QTMAN: variants seen among roughly 807,000 people sequenced by gnomAD.
The protein encoded by QTMAN is queuosine-tRNA mannosyltransferase.
chr2:144,245,514 C>G, the QTMAN span, among the ~76,000 whole-genome samples: 1 of 152,102 alleles, frequency 6.6e-6, no homozygotes, highest in East Asian at 1.9e-4. Flanking sequence ...CATTTTCAGG[C>G]AACGAATCTG....
chr2:143,940,900 A>G, the QTMAN span: 2 of 152,258 alleles, frequency 1.3e-5, no homozygotes, highest in African/African-American at 2.4e-5. Flanking sequence ...ACAGAAATCA[A>G]TTCTTCCGCA....
chr2:144,074,342 G>C, the QTMAN span, among the ~76,000 whole-genome samples: 16 of 152,210 alleles, frequency 1.1e-4, no homozygotes, highest in East Asian at 3.1e-3. Flanking sequence ...AAAAGCAAAA[G>C]TTAAAAATCA....
At chr2:144,125,958 G>A in the QTMAN span, among the ~76,000 whole-genome samples, 26 of 152,076 alleles carry the variant, frequency 1.7e-4, no homozygotes, top group East Asian at 1.9e-3. Context: ...AAAATTGAAC[G>A]TTAAGTCAAT....
the QTMAN span, chr2:144,128,453 T>C: frequency 2.0e-5 from 3 of 152,102 alleles, no homozygotes; most frequent in Non-Finnish European, 4.4e-5. Flanking sequence ...GTGATGCAAC[T>C]GAAATATTTG....
At chr2:144,187,674 G>C in the QTMAN span, among the ~76,000 whole-genome samples, 1 of 152,132 alleles carries the variant, frequency 6.6e-6, no homozygotes, top group Non-Finnish European at 1.5e-5. Context: ...ACCAGACAGA[G>C]TCCTTTATTT....
At chr2:144,258,452 A>G in the QTMAN span, among the ~76,000 whole-genome samples, 1 of 152,206 alleles carries the variant, frequency 6.6e-6, no homozygotes, top group Non-Finnish European at 1.5e-5. Context: ...CAAGGTAAGA[A>G]AATCAATTCT....
chr2:144,194,199 TC>T, the QTMAN span, among the ~76,000 whole-genome samples: 2 of 152,178 alleles, frequency 1.3e-5, no homozygotes, highest in Non-Finnish European at 2.9e-5. Flanking sequence ...CATTATTTAA[TC>T]CAGTTTACAA....
At chr2:144,059,839 A>G in the QTMAN span, among the ~76,000 whole-genome samples, 1 of 152,076 alleles carries the variant, frequency 6.6e-6, no homozygotes, top group Non-Finnish European at 1.5e-5. Context: ...ACTTCTTGTC[A>G]ATCAGGTGTT....
the QTMAN span, among the ~76,000 whole-genome samples, chr2:143,995,411 C>G: frequency 1.3e-5 from 2 of 152,092 alleles, no homozygotes; most frequent in Admixed American, 1.3e-4. Context: ...ATGAAGTACT[C>G]TATATTATTT....
At chr2:144,255,372 T>C in the QTMAN span, among the ~76,000 whole-genome samples, 1 of 152,058 alleles carries the variant, frequency 6.6e-6, no homozygotes. Context: ...AAGGAGCTTT[T>C]CCCCCTTTGC....
chr2:144,234,692 C>T, the QTMAN span, among the ~76,000 whole-genome samples: 1 of 152,194 alleles, frequency 6.6e-6, no homozygotes, highest in Non-Finnish European at 1.5e-5. Context: ...AACTGAAGCA[C>T]TTGCCTCAGA....
At chr2:144,306,610 C>T in the QTMAN span, among the ~76,000 whole-genome samples, 1 of 152,150 alleles carries the variant, frequency 6.6e-6, no homozygotes, top group East Asian at 1.9e-4. Context: ...TGAGTTAGCA[C>T]GTCAACCTAA....
At chr2:143,972,637 T>C in the QTMAN span, among the ~76,000 whole-genome samples, 2 of 152,220 alleles carry the variant, frequency 1.3e-5, no homozygotes, top group African/African-American at 4.8e-5. Flanking sequence ...CCGTATTCTT[T>C]AGCTATTTCC....
the QTMAN span, among the ~76,000 whole-genome samples, chr2:144,288,724 A>T: frequency 6.6e-6 from 1 of 152,132 alleles, no homozygotes; most frequent in Non-Finnish European, 1.5e-5. Context: ...TTGTCTACAG[A>T]TCCCACCACA....
chr2:144,322,547 T>C, the QTMAN span, among the ~76,000 whole-genome samples: 6 of 152,316 alleles, frequency 3.9e-5, no homozygotes, highest in South Asian at 1.0e-3. Flanking sequence ...GATTCTCATA[T>C]TGGTGTCTAC....
At chr2:144,249,377 C>T in the QTMAN span, among the ~76,000 whole-genome samples, 1 of 152,120 alleles carries the variant, frequency 6.6e-6, no homozygotes, top group African/African-American at 2.4e-5. Context: ...CTTTTCAGCA[C>T]GCTTTCAGAA....
chr2:143,982,853 CAAAAA>C, the QTMAN span, among the ~76,000 whole-genome samples: 15 of 61,040 alleles, frequency 2.5e-4, no homozygotes, highest in Admixed American at 2.3e-3. Context: ...GACTCTGTCT[CAAAAA>C]AAAAAAAAAA....
chr2:144,001,672 G>A, the QTMAN span, among the ~76,000 whole-genome samples: 1 of 151,694 alleles, frequency 6.6e-6, no homozygotes, highest in Admixed American at 6.6e-5. Flanking sequence ...CAATTACAGG[G>A]GTTTTATGAT....
the QTMAN span, among the ~76,000 whole-genome samples, chr2:144,244,566 T>A: frequency 6.6e-6 from 1 of 152,224 alleles, no homozygotes; most frequent in Non-Finnish European, 1.5e-5. Flanking sequence ...AACATAAAAC[T>A]ATATCAGTCA....
Sources: gnomAD v4.1 joint callset for allele counts (sites outside exome capture counted in the v4.1 genomes callset) on GRCh38, gnomAD v4.1.1 for gene constraint, MANE v1.5 for transcripts, NCBI Gene and HGNC (gene_info 2026-07-23, HGNC 2026-07-21) for gene names.